Variants in CEP128 observed in about 807,000 individuals in gnomAD.
CEP128 encodes the protein centrosomal protein 128.
CEP128 carries 132 observed loss-of-function variants against 156.7 expected under a neutral mutation model. The ratio of observed to expected loss-of-function variants is 0.84; its 90% CI spans 0.73 to 0.97. The LOEUF (loss-of-function observed/expected upper bound fraction) is 0.97. Ranked by LOEUF, CEP128 falls within the 50% of genes least tolerant of loss-of-function variation. The probability of loss-of-function intolerance (pLI) is 0.00; values close to 1 mark genes in which losing one functional copy is unlikely to be tolerated. For missense variants in CEP128, 1,252 were observed against 1,281.9 expected, an observed-to-expected ratio of 0.98 and a Z score of 0.36; for synonymous variants, 469 against 448.9, an observed-to-expected ratio of 1.04 and a Z score of -0.57.
At position 80,822,542 on chromosome 14, in the gene CEP128, G is replaced by A. The variant is rs1302184440; in HGVS notation, c.1209+8601C>T. On this transcript the variant is annotated intron_variant, in intron 13 of 24. Transcript: ENST00000555265. Reference sequence around the variant, plus strand: ...CGCCACCATGCCCAAGAGAAAGGCTGAAGGGGATGCTAAAGGAGATAAAGC... The same window carrying A: ...CGCCACCATGCCCAAGAGAAAGGCTAAAGGGGATGCTAAAGGAGATAAAGC... 1.3e-5 allele frequency: 9 copies of A among 671,546 alleles called. No homozygotes were observed. In the Admixed American group the frequency reaches 1.4e-4, roughly 11 times the overall value. The allele number at this position is 671,546 out of a possible 1,614,324, so 41.6% of individuals were successfully genotyped here. A position where few individuals can be genotyped will look rare whatever the true frequency, so the allele number is the denominator to read the frequency against.
intron 21 of CEP128, among the ~76,000 whole-genome samples, chr14:80,541,561 C>G (rs1364703151): frequency 6.6e-6 from 1 of 151,558 alleles, no homozygotes; most frequent in African/African-American, 2.4e-5. Flanking sequence ...AAAGATGCTT[C>G]CAAAAGCAGG....
intron 9 of CEP128, among the ~76,000 whole-genome samples, chr14:80,862,387 T>C (rs1313249848): frequency 1.3e-5 from 2 of 152,210 alleles, no homozygotes; most frequent in Non-Finnish European, 2.9e-5. Context: ...CCCAGAAAAA[T>C]TAATCAGAAT....
intron 18 of CEP128, among the ~76,000 whole-genome samples, chr14:80,755,888 G>A (rs549590913): frequency 5.9e-5 from 9 of 152,244 alleles, no homozygotes; most frequent in East Asian, 3.9e-4. Context: ...AGTAATAGAA[G>A]GGGTCTGATC....
intron 8 of CEP128, among the ~76,000 whole-genome samples, chr14:80,872,803 T>G (rs1888092115): frequency 6.6e-6 from 1 of 152,182 alleles, no homozygotes; most frequent in African/African-American, 2.4e-5. Flanking sequence ...TTATAAAACA[T>G]AAATGTTGAC....
intron 19 of CEP128, among the ~76,000 whole-genome samples, chr14:80,637,704 C>G (rs1264028385): frequency 6.6e-6 from 1 of 151,780 alleles, no homozygotes; most frequent in Non-Finnish European, 1.5e-5. Flanking sequence ...TGAATGTTAT[C>G]CTATCAGTAA....
intron 21 of CEP128, among the ~76,000 whole-genome samples, chr14:80,545,522 T>C (rs1889944040): frequency 1.3e-5 from 2 of 152,184 alleles, no homozygotes; most frequent in South Asian, 4.1e-4. Context: ...AGAGAATTGG[T>C]CATTTGGCGA....
intron 18 of CEP128, among the ~76,000 whole-genome samples, chr14:80,744,508 T>C (rs542513023): frequency 1.3e-5 from 2 of 149,544 alleles, no homozygotes; most frequent in East Asian, 1.9e-4. Flanking sequence ...AAAATTAACA[T>C]TTCTAAATAT....
At chr14:80,576,651 GTGTC>G (rs5809998) in intron 20 of CEP128, among the ~76,000 whole-genome samples, 76,150 of 150,328 alleles carry the variant, frequency 0.51, 19,372 homozygotes, top group East Asian at 0.71. Context: ...GTGTGTGTGT[GTGTC>G]TGTGTCTGTG....
At chr14:80,731,424 A>G (rs1440102350) in intron 19 of CEP128, among the ~76,000 whole-genome samples, 1 of 152,202 alleles carries the variant, frequency 6.6e-6, no homozygotes, top group Non-Finnish European at 1.5e-5. Context: ...AAACCTGCAC[A>G]TTACCAAACC....
chr14:80,501,819 C>T (rs1465515255), intron 24 of CEP128, among the ~76,000 whole-genome samples: 1 of 151,804 alleles, frequency 6.6e-6, no homozygotes, highest in Non-Finnish European at 1.5e-5. Flanking sequence ...ACTCCAAAGG[C>T]AGGGCTTCGA....
At chr14:80,862,705 A>G (rs1427148340) in intron 9 of CEP128, 52 bp downstream of exon 9, 2 of 1,223,506 alleles carry the variant, frequency 1.6e-6, no homozygotes, top group Non-Finnish European at 2.4e-6. Flanking sequence ...AACATGGCTA[A>G]ATAAACATCC....
chr14:80,844,789 T>C (rs1303804705), intron 9 of CEP128, among the ~76,000 whole-genome samples: 1 of 152,122 alleles, frequency 6.6e-6, no homozygotes, highest in Admixed American at 6.6e-5. Context: ...ATGTTTATTA[T>C]TTCAAGAATC....
At chr14:80,884,141 C>CATTGGAGTAAG (rs1888680175) in intron 8 of CEP128, among the ~76,000 whole-genome samples, 4 of 152,048 alleles carry the variant, frequency 2.6e-5, no homozygotes, top group Admixed American at 2.6e-4. Flanking sequence ...ACACTGGGGA[C>CATTGGAGTAAG]CAAACTCCCC....
intron 23 of CEP128, among the ~76,000 whole-genome samples, chr14:80,525,886 G>A (rs927481287): frequency 2.6e-5 from 4 of 152,124 alleles, no homozygotes; most frequent in African/African-American, 7.2e-5. Flanking sequence ...GAGGAAAGAC[G>A]CTTCTTAGAA....
intron 15 of CEP128, 146 bp from the exon 16 acceptor site, chr14:80,778,192 A>G: frequency 1.5e-6 from 1 of 687,570 alleles, no homozygotes. Flanking sequence ...ATAAACACAA[A>G]GGAAATGTTC....
chr14:80,859,898 G>A (rs1887430349), intron 9 of CEP128, among the ~76,000 whole-genome samples: 2 of 152,046 alleles, frequency 1.3e-5, no homozygotes, highest in African/African-American at 2.4e-5. Context: ...TCAAATCTCT[G>A]CATCCTATAA....
At chr14:80,766,013 G>A (rs946781770) in intron 16 of CEP128, among the ~76,000 whole-genome samples, 2 of 152,060 alleles carry the variant, frequency 1.3e-5, no homozygotes, top group African/African-American at 4.8e-5. Context: ...AATTCTGAAT[G>A]AGCCTTATCA....
At chr14:80,527,494 T>C (rs1889032813) in intron 22 of CEP128, among the ~76,000 whole-genome samples, 2 of 149,930 alleles carry the variant, frequency 1.3e-5, no homozygotes, top group South Asian at 2.1e-4. Context: ...ACCATAAAAA[T>C]ACAATGCATC....
chr14:80,531,115 C>A (rs1476002918), intron 21 of CEP128: 5 of 243,182 alleles, frequency 2.1e-5, no homozygotes, highest in African/African-American at 6.7e-5. Context: ...AAGACTGACT[C>A]AGATACAAAA....
Sources: gnomAD v4.1 joint callset for allele counts (sites outside exome capture counted in the v4.1 genomes callset) on GRCh38, gnomAD v4.1.1 for gene constraint, MANE v1.5 for transcripts, NCBI Gene and HGNC (gene_info 2026-07-23, HGNC 2026-07-21) for gene names.